HPSE2: variants seen among roughly 807,000 people sequenced by gnomAD.
The protein encoded by HPSE2 is inactive heparanase-2.
HPSE2 carries 38 observed loss-of-function variants against 60.5 expected under a neutral mutation model. That is an observed-to-expected ratio of 0.63 (90% CI 0.48 to 0.82). The LOEUF is 0.82. Among genes scored for constraint, HPSE2 ranks in the 40% least tolerant of loss-of-function variants. The pLI is 0.00. For missense variants in HPSE2, 713 were observed against 740.4 expected, an observed-to-expected ratio of 0.96 and a Z score of 0.43; for synonymous variants, 295 against 293.2, an observed-to-expected ratio of 1.01 and a Z score of -0.06.
At chr10:99,144,066 C>G (rs1399072275) in intron 3 of HPSE2, among the ~76,000 whole-genome samples, 172 bp downstream of exon 3, 1 of 152,138 alleles carries the variant, frequency 6.6e-6, no homozygotes, top group Non-Finnish European at 1.5e-5. Context: ...CTGAATCACC[C>G]ATAACTTCAA....
At chr10:98,921,198 A>T (rs892231358) in intron 3 of HPSE2, among the ~76,000 whole-genome samples, 1 of 152,212 alleles carries the variant, frequency 6.6e-6, no homozygotes, top group African/African-American at 2.4e-5. Flanking sequence ...AAATGGGCCA[A>T]GGCAGATGAA....
upstream of HPSE2, among the ~76,000 whole-genome samples, chr10:99,239,313 A>G (rs1207751962): frequency 1.3e-5 from 2 of 152,092 alleles, no homozygotes; most frequent in African/African-American, 4.8e-5. Context: ...AGGTTCCCAG[A>G]ACTGTAAGAA....
At chr10:99,290,719 GAAC>G in the HPSE2 span, among the ~76,000 whole-genome samples, 1 of 152,120 alleles carries the variant, frequency 6.6e-6, no homozygotes, top group Non-Finnish European at 1.5e-5. Flanking sequence ...GCTGTGTGGA[GAAC>G]AACAATTTCT....
chr10:99,244,432 G>A, the HPSE2 span, among the ~76,000 whole-genome samples: 16 of 121,512 alleles, frequency 1.3e-4, no homozygotes, highest in African/African-American at 1.5e-4. Flanking sequence ...TTTGAGACAC[G>A]GTCTCACTCT....
In HPSE2 at chr10:99,230,532, GT is replaced by G. The variant is rs202014911; in HGVS notation, c.448+1815del. Among the ~76,000 whole-genome samples, 901 of 149,616 alleles carry G rather than the reference GT, an allele frequency of 6.0e-3. 12 individuals are homozygous for G. The highest frequency in any genetic ancestry group is 0.02 in the African/African-American group (834 of 40,868). On this transcript the variant is annotated intron_variant, in intron 2 of 11. Coordinates refer to ENST00000370552, the MANE Select transcript of HPSE2 (RefSeq NM_021828.5). ...AACCTCTTAGATCTTTTCCGTTTAT[GT>G]TTTTTTTTTAATTTTATATAGTTTT...
intron 4 of HPSE2, among the ~76,000 whole-genome samples, chr10:98,724,155 G>A (rs1274601481): frequency 1.3e-5 from 2 of 151,946 alleles, no homozygotes; most frequent in Non-Finnish European, 2.9e-5. Flanking sequence ...AGAGATTCTG[G>A]TATGTTGTGT....
intron 4 of HPSE2, among the ~76,000 whole-genome samples, chr10:98,731,756 G>A (rs1024608445): frequency 1.3e-5 from 2 of 152,138 alleles, no homozygotes; most frequent in Non-Finnish European, 2.9e-5. Flanking sequence ...GTCAACATTT[G>A]TACTAGAGAT....
At chr10:98,894,790 G>C (rs1452078435) in intron 3 of HPSE2, among the ~76,000 whole-genome samples, 1 of 151,682 alleles carries the variant, frequency 6.6e-6, no homozygotes, top group Non-Finnish European at 1.5e-5. Flanking sequence ...TAACAATGTT[G>C]CCAAGAAAGA....
chr10:98,716,814 T>A (rs970168781), intron 5 of HPSE2, among the ~76,000 whole-genome samples: 4 of 152,114 alleles, frequency 2.6e-5, no homozygotes, highest in Admixed American at 6.6e-5. Flanking sequence ...AGGAATCTTT[T>A]TTTCCTGAGC....
chr10:99,246,653 A>C, the HPSE2 span, among the ~76,000 whole-genome samples: 1 of 152,090 alleles, frequency 6.6e-6, no homozygotes, highest in African/African-American at 2.4e-5. Flanking sequence ...AGGCTGAGGC[A>C]GGGGGATTGC....
At chr10:98,496,438 A>G (rs1002839276) in intron 9 of HPSE2, among the ~76,000 whole-genome samples, 10 of 152,158 alleles carry the variant, frequency 6.6e-5, no homozygotes, top group Non-Finnish European at 1.5e-5. Flanking sequence ...GTAATCAGAG[A>G]TGAGAGTAGA....
intron 3 of HPSE2, among the ~76,000 whole-genome samples, chr10:99,111,122 A>C (rs1047997728): frequency 2.0e-5 from 3 of 152,056 alleles, no homozygotes; most frequent in African/African-American, 7.2e-5. Flanking sequence ...TCAGTTTACT[A>C]TATATATGGG....
At chr10:99,241,193 T>G in the HPSE2 span, among the ~76,000 whole-genome samples, 2 of 152,222 alleles carry the variant, frequency 1.3e-5, no homozygotes, top group African/African-American at 2.4e-5. Flanking sequence ...GTTTGTGTTC[T>G]TAGTCAACAC....
At chr10:98,829,536 A>G (rs1486174840) in intron 3 of HPSE2, among the ~76,000 whole-genome samples, 1 of 152,074 alleles carries the variant, frequency 6.6e-6, no homozygotes, top group Non-Finnish European at 1.5e-5. Context: ...AAACAAAAAA[A>G]AAGATGAAGA....
chr10:98,665,035 A>C (rs1947326696), intron 6 of HPSE2, among the ~76,000 whole-genome samples: 2 of 152,226 alleles, frequency 1.3e-5, no homozygotes, highest in African/African-American at 4.8e-5. Context: ...GTTGAAACCC[A>C]ATCCAAGGAA....
intron 3 of HPSE2, among the ~76,000 whole-genome samples, chr10:98,939,476 A>C (rs1269676151): frequency 2.1e-5 from 3 of 143,736 alleles, no homozygotes; most frequent in Non-Finnish European, 4.5e-5. Context: ...AGATCAAAAG[A>C]GACAAAGAAG....
the HPSE2 span, among the ~76,000 whole-genome samples, chr10:99,254,752 T>A: frequency 1.3e-5 from 2 of 152,200 alleles, no homozygotes; most frequent in African/African-American, 4.8e-5. Flanking sequence ...AATGGAGTAC[T>A]AATATAAACT....
chr10:98,729,453 C>CA (rs1287462314), intron 4 of HPSE2, among the ~76,000 whole-genome samples: 2 of 151,776 alleles, frequency 1.3e-5, no homozygotes, highest in African/African-American at 2.4e-5. Flanking sequence ...GCTAAAAACA[C>CA]AAAAAATTAG....
chr10:98,506,664 C>T (rs543739765), intron 9 of HPSE2, among the ~76,000 whole-genome samples: 25 of 152,184 alleles, frequency 1.6e-4, no homozygotes, highest in African/African-American at 5.3e-4. Flanking sequence ...TGCTATGTTG[C>T]CCACTCTGGT....
Sources: gnomAD v4.1 joint callset for allele counts (sites outside exome capture counted in the v4.1 genomes callset) on GRCh38, gnomAD v4.1.1 for gene constraint, MANE v1.5 for transcripts, NCBI Gene and HGNC (gene_info 2026-07-23, HGNC 2026-07-21) for gene names.